Variants in EIF3H observed in about 807,000 individuals in gnomAD.
EIF3H encodes the protein eIF-3-gamma.
In EIF3H, 26 loss-of-function variants were observed where a neutral mutation model predicts 44.2. The ratio of observed to expected loss-of-function variants is 0.59; its 90% CI spans 0.43 to 0.82. The LOEUF is 0.82. Among genes scored for constraint, EIF3H ranks in the 40% least tolerant of loss-of-function variants. The pLI is 0.00. For synonymous variants in EIF3H, 166 were observed against 151.9 expected, an observed-to-expected ratio of 1.09 and a Z score of -0.68; for missense variants, 359 against 432.8, an observed-to-expected ratio of 0.83 and a Z score of 1.51.
intron 2 of EIF3H, among the ~76,000 whole-genome samples, chr8:116,702,638 T>C (rs1018790484): frequency 1.3e-5 from 2 of 152,016 alleles, no homozygotes; most frequent in African/African-American, 4.8e-5. Context: ...TATAAACTGG[T>C]CATCAGAATT....
intron 5 of EIF3H, among the ~76,000 whole-genome samples, chr8:116,651,091 T>C (rs1813383510): frequency 6.6e-6 from 1 of 152,174 alleles, no homozygotes; most frequent in Non-Finnish European, 1.5e-5. Flanking sequence ...TTGTAAAACA[T>C]TGTGAATATA....
intron 2 of EIF3H, among the ~76,000 whole-genome samples, chr8:116,688,751 T>C (rs1814123387): frequency 1.3e-5 from 2 of 152,152 alleles, no homozygotes; most frequent in Admixed American, 6.5e-5. Flanking sequence ...GTGCATCTGT[T>C]TGATGCACTT....
chr8:116,733,167 C>T (rs1375007592), intron 1 of EIF3H, among the ~76,000 whole-genome samples: 1 of 152,142 alleles, frequency 6.6e-6, no homozygotes, highest in Non-Finnish European at 1.5e-5. Context: ...AAGGACATGA[C>T]AAAGGACACA....
At chr8:116,658,133 T>G (rs1356233605) in intron 3 of EIF3H, 1 of 152,232 alleles carries the variant, frequency 6.6e-6, no homozygotes, top group Non-Finnish European at 1.5e-5. Context: ...ATCCAATTGT[T>G]AACATACTGA....
intron 1 of EIF3H, chr8:116,737,124 A>G (rs1182935149): frequency 9.7e-6 from 2 of 206,726 alleles, no homozygotes; most frequent in Non-Finnish European, 2.0e-5. Flanking sequence ...TTTTTTAAAA[A>G]TTCACACTAC....
chr8:116,661,611 C>T (rs1002832683), intron 2 of EIF3H, among the ~76,000 whole-genome samples: 1 of 152,158 alleles, frequency 6.6e-6, no homozygotes, highest in Non-Finnish European at 1.5e-5. Context: ...AAAGAATTTT[C>T]TATTAGCTAA....
At chr8:116,685,343 T>C (rs1424099265) in intron 2 of EIF3H, among the ~76,000 whole-genome samples, 3 of 152,158 alleles carry the variant, frequency 2.0e-5, no homozygotes, top group African/African-American at 4.8e-5. Flanking sequence ...AAGAAAGAAC[T>C]AGGTAGCAAG....
intron 2 of EIF3H, among the ~76,000 whole-genome samples, chr8:116,672,118 G>A (rs111455532): frequency 6.6e-6 from 1 of 152,318 alleles, no homozygotes; most frequent in Non-Finnish European, 1.5e-5. Flanking sequence ...GATAGAGAAA[G>A]CTGACATTTT....
intron 2 of EIF3H, among the ~76,000 whole-genome samples, chr8:116,660,757 T>C (rs1010183949): frequency 1.3e-5 from 2 of 152,104 alleles, no homozygotes; most frequent in East Asian, 1.9e-4. Context: ...ACTAAGGGTA[T>C]GGGGGAGAAG....
rs758882502 is a variant in EIF3H at position 116,658,904 on chromosome 8, G to C, written c.366C>G (p.Ser122=). Reference sequence around the variant, plus strand: ...GGGTAACGAATGAGCCATAGTATGTGGACTGATACCAGCCCACGTGAAGAT... The same window carrying C: ...GGGTAACGAATGAGCCATAGTATGTCGACTGATACCAGCCCACGTGAAGAT... ...IDHLHVGWYQ[S]TYYGSFVTRA... The change falls in exon 3 of 8, where the codon TCC becomes TCG. Residue 122 remains serine, a synonymous_variant. Transcript: ENST00000521861. 93 of 1,613,788 alleles carry C rather than the reference G, an allele frequency of 5.8e-5. No individual in the cohort carries two copies. The highest frequency in any genetic ancestry group is 1.7e-5 in the Admixed American group (1 of 59,980).
chr8:116,705,115 G>A (rs932297832), intron 2 of EIF3H, among the ~76,000 whole-genome samples: 4 of 151,992 alleles, frequency 2.6e-5, no homozygotes, highest in Non-Finnish European at 5.9e-5. Flanking sequence ...ATTCATACTC[G>A]GTCAGAGATG....
chr8:116,752,782 AGGGAGGGAGGGAG>A (rs1563663219), intron 1 of EIF3H, among the ~76,000 whole-genome samples: 834 of 60,074 alleles, frequency 0.014, 37 homozygotes, highest in African/African-American at 0.025. Context: ...GGAGGGAGGG[AGGGAGGGAGGGAG>A]GGAAGGAAGG....
Position 116,646,418 on chromosome 8 carries a change from T to C in EIF3H, c.961+53A>G, listed in dbSNP as rs1385378757. 5 of 1,612,788 alleles carry C rather than the reference T, an allele frequency of 3.1e-6. No individual in the cohort carries two copies. The African/African-American group carries it at 6.7e-5, about 21-fold the overall frequency. ...TGTTTGTAAATTTCTCACTGTCTTC[T>C]GCTTCCTAAGAAACGAACAAAACCA... On this transcript the variant is annotated intron_variant, in intron 7 of 7. Coordinates refer to ENST00000521861, the MANE Select transcript of EIF3H (RefSeq NM_003756.3).
intron 1 of EIF3H, among the ~76,000 whole-genome samples, chr8:116,743,275 C>T (rs1479740216): frequency 6.6e-6 from 1 of 151,094 alleles, no homozygotes; most frequent in African/African-American, 2.4e-5. Context: ...ATATAGAGGC[C>T]CCATCTCTAC....
At chr8:116,703,741 A>G (rs1395242096) in intron 2 of EIF3H, among the ~76,000 whole-genome samples, 1 of 152,144 alleles carries the variant, frequency 6.6e-6, no homozygotes, top group East Asian at 1.9e-4. Context: ...CTTGTACACA[A>G]TAAATAACAG....
chr8:116,726,131 T>C lies in EIF3H; in HGVS notation c.174A>G (p.Gln58=). ...GCACTCCTTGAACAACTTCAGTTCC[T>C]TGTCCTTCTTCTTGATAATGTTTGA... The part of the protein sequence containing the change: ...KIIKHYQEEG[Q]GTEVVQGVLL... Residue 58 remains glutamine (Q), a synonymous_variant, in exon 2 of 8, where the codon CAA becomes CAG. Coordinates refer to ENST00000521861, the MANE Select transcript of EIF3H (RefSeq NM_003756.3). 6.2e-7 allele frequency: 1 copy of C among 1,614,050 alleles called. No homozygotes were observed. Among genetic ancestry groups the C allele is most frequent in the Non-Finnish European group, 8.5e-7 (1 of 1,179,926 alleles).
intron 1 of EIF3H, chr8:116,734,378 G>A (rs765595778): frequency 4.6e-5 from 21 of 455,732 alleles, no homozygotes; most frequent in Admixed American, 1.4e-4. Flanking sequence ...AATACTTGAC[G>A]ACTATGGATT....
chr8:116,681,938 G>A (rs1813996913), intron 2 of EIF3H, among the ~76,000 whole-genome samples: 1 of 152,206 alleles, frequency 6.6e-6, no homozygotes, highest in South Asian at 2.1e-4. Flanking sequence ...AAGATAGGGA[G>A]AGAAAAAGCA....
intron 2 of EIF3H, among the ~76,000 whole-genome samples, chr8:116,723,631 G>C (rs1814789216): frequency 6.6e-6 from 1 of 152,206 alleles, no homozygotes; most frequent in African/African-American, 2.4e-5. Context: ...CTATGAAGGT[G>C]TGTAAGTCAA....
Sources: allele counts gnomAD v4.1 joint callset (sites outside exome capture counted in the v4.1 genomes callset), GRCh38; gene constraint gnomAD v4.1.1; transcripts MANE v1.5; gene names NCBI Gene and HGNC (gene_info 2026-07-23, HGNC 2026-07-21).